The following PPP2R2B variants were observed in gnomAD, a reference collection of about 807,000 sequenced individuals.
PPP2R2B encodes protein phosphatase 2 regulatory subunit Bbeta.
Under a neutral mutation model 46.0 loss-of-function variants are expected in PPP2R2B, and 5 were observed. That is an observed-to-expected ratio of 0.11 (90% CI 0.06 to 0.23). PPP2R2B has a LOEUF of 0.23. PPP2R2B is among the 10% of genes least tolerant of loss of function. The pLI, the probability that PPP2R2B is intolerant of heterozygous loss-of-function variation, is 1.00. For synonymous variants in PPP2R2B, 215 were observed against 206.7 expected, an observed-to-expected ratio of 1.04 and a Z score of -0.34; for missense variants, 367 against 575.0, an observed-to-expected ratio of 0.64 and a Z score of 3.70.
intron 1 of PPP2R2B, among the ~76,000 whole-genome samples, chr5:146,952,275 A>T (rs1391085734): frequency 6.6e-6 from 1 of 152,048 alleles, no homozygotes; most frequent in African/African-American, 2.4e-5. Context: ...GATAAACAAC[A>T]CCATAAAGTA....
At chr5:146,893,809 G>A (rs888365317) in intron 1 of PPP2R2B, among the ~76,000 whole-genome samples, 11 of 149,974 alleles carry the variant, frequency 7.3e-5, no homozygotes, top group South Asian at 4.3e-4. Flanking sequence ...GCAGCAAACC[G>A]CCATGGCACA....
At chr5:146,729,254 CT>C (rs1752081257) in intron 2 of PPP2R2B, among the ~76,000 whole-genome samples, 1 of 152,126 alleles carries the variant, frequency 6.6e-6, no homozygotes, top group Admixed American at 6.5e-5. Context: ...ATTTGTGAAA[CT>C]TTGAACTTGA....
intron 2 of PPP2R2B, among the ~76,000 whole-genome samples, chr5:146,868,005 C>T (rs1183703478): frequency 6.6e-6 from 1 of 152,196 alleles, no homozygotes; most frequent in African/African-American, 2.4e-5. Context: ...TCTATTGTGC[C>T]TGTCAGATCA....
chr5:146,898,752 T>C (rs945400115), intron 1 of PPP2R2B, among the ~76,000 whole-genome samples: 1 of 107,994 alleles, frequency 9.3e-6, no homozygotes, highest in Non-Finnish European at 1.7e-5. Context: ...ATCCAGAATC[T>C]ACAATGAACT....
intron 5 of PPP2R2B, among the ~76,000 whole-genome samples, chr5:146,689,144 C>T (rs1778679642): frequency 6.6e-6 from 1 of 152,126 alleles, no homozygotes; most frequent in Admixed American, 6.5e-5. Context: ...ACTAAAACAA[C>T]AGAAGGGAAC....
Position 146,830,044 on chromosome 5 carries a change from C to T in PPP2R2B, c.70+47958G>A, listed in dbSNP as rs116293398. 3.8e-3 allele frequency among the ~76,000 whole-genome samples: 577 copies of T among 152,236 alleles called. 6 individuals are homozygous for T. The highest frequency in any genetic ancestry group is 0.013 in the African/African-American group (546 of 41,544). On this transcript the variant is annotated intron_variant, in intron 2 of 9. Transcript: ENST00000394411. Reference sequence around the variant, plus strand: ...ATTATGTAAGATATTCTATGCAAAACATATAGTACAATGGCTAGTATACAG... The same window carrying T: ...ATTATGTAAGATATTCTATGCAAAATATATAGTACAATGGCTAGTATACAG...
chr5:146,685,799 A>G (rs992140728), intron 5 of PPP2R2B, among the ~76,000 whole-genome samples: 5 of 152,122 alleles, frequency 3.3e-5, no homozygotes, highest in African/African-American at 1.2e-4. Flanking sequence ...GTAAAATATG[A>G]TGTCATTTGA....
At chr5:146,688,869 G>A (rs1561834330) in intron 5 of PPP2R2B, among the ~76,000 whole-genome samples, 1 of 152,104 alleles carries the variant, frequency 6.6e-6, no homozygotes, top group Non-Finnish European at 1.5e-5. Flanking sequence ...AGTCTGGGCA[G>A]AAGTTCACGG....
At chr5:146,928,022 G>A (rs553411539) in intron 1 of PPP2R2B, among the ~76,000 whole-genome samples, 16 of 152,248 alleles carry the variant, frequency 1.1e-4, no homozygotes, top group African/African-American at 3.9e-4. Flanking sequence ...TTACAGGCCT[G>A]AGCCACCACA....
intron 2 of PPP2R2B, among the ~76,000 whole-genome samples, chr5:146,870,542 G>A (rs922994058): frequency 2.0e-5 from 3 of 152,152 alleles, no homozygotes; most frequent in East Asian, 1.9e-4. Context: ...CCAGAAATGT[G>A]AGAAAACAAA....
At chr5:146,625,577 A>G (rs955655552) in intron 7 of PPP2R2B, among the ~76,000 whole-genome samples, 2 of 152,154 alleles carry the variant, frequency 1.3e-5, no homozygotes, top group African/African-American at 2.4e-5. Context: ...AGGTAATTAA[A>G]TGTATGGTAT....
chr5:147,081,404 C>G, exon 1 of PPP2R2B: 1 of 1,119,538 alleles, frequency 8.9e-7, no homozygotes, highest in Non-Finnish European at 1.3e-6. Flanking sequence ...TGGAGTTTGT[C>G]CCTTCTCAGG....
In PPP2R2B at chr5:146,948,878, G is replaced by A. The variant is rs867672488; in HGVS notation, c.79+106787C>T. Among the ~76,000 whole-genome samples, 5 of 152,052 alleles carry A rather than the reference G, an allele frequency of 3.3e-5. No individual in the cohort carries two copies. In the South Asian group the frequency reaches 1.0e-3, roughly 32 times the overall value. ...AGAAGTATGCACACATACCATGAGG[G>A]CATAGAGTAATGTTTCCTGAAACTG... On this transcript the variant is annotated intron_variant, in intron 1 of 8. Transcript: ENST00000336640.
intron 3 of PPP2R2B, 116 bp downstream of exon 3, chr5:146,700,929 T>C: frequency 1.1e-6 from 1 of 932,282 alleles, no homozygotes; most frequent in Non-Finnish European, 1.7e-6. Flanking sequence ...TTTTGGCAGT[T>C]TTTAGTTTTC....
intron 5 of PPP2R2B, among the ~76,000 whole-genome samples, chr5:146,676,880 C>T (rs920092577): frequency 6.6e-6 from 1 of 152,104 alleles, no homozygotes; most frequent in African/African-American, 2.4e-5. Context: ...ATTGGTTTGA[C>T]CGTCAAGTAG....
intron 7 of PPP2R2B, among the ~76,000 whole-genome samples, chr5:146,605,247 C>T (rs547754496): frequency 4.6e-5 from 7 of 152,266 alleles, no homozygotes; most frequent in African/African-American, 1.2e-4. Flanking sequence ...AACCTCTGTC[C>T]TACTCTCTCT....
chr5:146,962,567 G>T (rs1279216529), intron 1 of PPP2R2B, among the ~76,000 whole-genome samples: 1 of 151,806 alleles, frequency 6.6e-6, no homozygotes, highest in African/African-American at 2.4e-5. Context: ...TGAGGCAGGA[G>T]AATAGCTTGA....
intron 2 of PPP2R2B, among the ~76,000 whole-genome samples, chr5:146,849,404 A>T (rs1264030837): frequency 1.3e-5 from 2 of 152,006 alleles, no homozygotes; most frequent in Admixed American, 6.6e-5. Context: ...GTAAATTCTC[A>T]CTCCACTAGT....
At chr5:146,994,576 T>C (rs1306910135) in intron 1 of PPP2R2B, among the ~76,000 whole-genome samples, 2 of 152,140 alleles carry the variant, frequency 1.3e-5, no homozygotes, top group Non-Finnish European at 2.9e-5. Flanking sequence ...TATCCCACTT[T>C]AGGGTGAAGA....
Sources: allele counts gnomAD v4.1 joint callset (sites outside exome capture counted in the v4.1 genomes callset), GRCh38; gene constraint gnomAD v4.1.1; transcripts MANE v1.5; gene names NCBI Gene and HGNC (gene_info 2026-07-23, HGNC 2026-07-21).